The following CAPRIN2 variants were observed in gnomAD, a reference collection of about 807,000 sequenced individuals.
CAPRIN2 encodes the protein caprin-2.
Under a neutral mutation model 130.4 loss-of-function variants are expected in CAPRIN2, and 66 were observed. The ratio of observed to expected loss-of-function variants is 0.51; its 90% CI spans 0.42 to 0.62. The LOEUF is 0.62. Among genes scored for constraint, CAPRIN2 ranks in the 20% least tolerant of loss-of-function variants. The pLI, the probability that CAPRIN2 is intolerant of heterozygous loss-of-function variation, is 0.00. For missense variants in CAPRIN2, 1,185 were observed against 1,246.6 expected, an observed-to-expected ratio of 0.95 and a Z score of 0.74; for synonymous variants, 471 against 444.1, an observed-to-expected ratio of 1.06 and a Z score of -0.76.
chr12:30,724,114 T>C (rs953451368), intron 10 of CAPRIN2, among the ~76,000 whole-genome samples: 2 of 152,208 alleles, frequency 1.3e-5, no homozygotes, highest in Admixed American at 6.5e-5. Context: ...ACAACATAAA[T>C]TACAAAAACA....
chr12:30,728,729 T>G, exon 8 of CAPRIN2: 1 of 1,614,166 alleles, frequency 6.2e-7, no homozygotes, highest in Non-Finnish European at 8.5e-7. Flanking sequence ...CCCAGGACTT[T>G]GGAGAAATCT....
intron 13 of CAPRIN2, 53 bp downstream of exon 15, chr12:30,716,455 A>G (rs1406550723): frequency 2.0e-6 from 3 of 1,516,744 alleles, no homozygotes; most frequent in African/African-American, 2.8e-5. Context: ...CTTGCTGTCC[A>G]TTCAATTGGC....
At chr12:30,733,100 A>G (rs1396172601) in intron 5 of CAPRIN2, among the ~76,000 whole-genome samples, 2 of 152,136 alleles carry the variant, frequency 1.3e-5, no homozygotes, top group African/African-American at 4.8e-5. Context: ...CTAAGCTAGT[A>G]CACAAAGCTA....
At chr12:30,735,102 C>T (rs1416604413) in exon 4 of CAPRIN2, 1 of 1,614,120 alleles carries the variant, frequency 6.2e-7, no homozygotes, top group Non-Finnish European at 8.5e-7. Context: ...GTGTCAAGTT[C>T]TGCAATACAT....
At chr12:30,728,967 T>C (rs577957931) in exon 8 of CAPRIN2, 2 of 1,614,212 alleles carry the variant, frequency 1.2e-6, no homozygotes, top group East Asian at 2.2e-5. Context: ...CTGTTTCTTT[T>C]GTTCCTCTTG....
chr12:30,733,740 A>G (rs1193179917), intron 4 of CAPRIN2, 29 bp from the exon 6 acceptor site: 1 of 1,529,134 alleles, frequency 6.5e-7, no homozygotes, highest in East Asian at 2.3e-5. Context: ...AGCAGAACAA[A>G]GTGGCTTTAG....
At chr12:30,719,724 A>G (rs544089844) in intron 12 of CAPRIN2, 27 of 152,358 alleles carry the variant, frequency 1.8e-4, no homozygotes, top group African/African-American at 6.3e-4. Context: ...CAAGTTCTTG[A>G]CATAACAGAT....
chr12:30,735,242 C>A, intron 3 of CAPRIN2, 36 bp from the exon 5 acceptor site: 1 of 1,479,642 alleles, frequency 6.8e-7, no homozygotes, highest in South Asian at 1.1e-5. Flanking sequence ...GGTAACAATT[C>A]TCTACCATCC....
exon 12 of CAPRIN2, chr12:30,720,865 G>C: frequency 1.2e-6 from 2 of 1,613,732 alleles, no homozygotes; most frequent in Non-Finnish European, 1.7e-6. Context: ...AAGCCTGATC[G>C]GTAGTAACCA....
At chr12:30,720,638 A>G in intron 12 of CAPRIN2, 173 bp downstream of exon 13, 2 of 528,668 alleles carry the variant, frequency 3.8e-6, no homozygotes, top group South Asian at 5.3e-5. Context: ...TATATGGCAA[A>G]GCTACAATAA....
exon 1 of CAPRIN2, chr12:30,754,487 G>C (rs1487788171): frequency 6.6e-6 from 1 of 152,606 alleles, no homozygotes; most frequent in Non-Finnish European, 1.5e-5. Context: ...TCTCCCGAGC[G>C]GCCACGGAGA....
chr12:30,716,201 C>T, intron 13 of CAPRIN2: 1 of 261,798 alleles, frequency 3.8e-6, no homozygotes, highest in Non-Finnish European at 7.2e-6. Flanking sequence ...ATATAAGCAG[C>T]CAGATAGTGC....
intron 3 of CAPRIN2, among the ~76,000 whole-genome samples, chr12:30,736,359 T>C (rs33132): frequency 0.31 from 46,195 of 150,480 alleles, 8,973 homozygotes; most frequent in East Asian, 0.53. Context: ...AACGTTTCCA[T>C]CATATTGGAT....
In CAPRIN2 at chr12:30,726,083, AG is replaced by A; in HGVS notation, c.1787del (p.Pro596LeufsTer8). ...AACCTACAGGCTGATGCACAGGCTT[AG>A]GCACCTACAAGATAAACCCATAATG... On this transcript the variant is annotated frameshift_variant, in exon 9 of 17. Coordinates refer to ENST00000298892, the Ensembl canonical transcript of CAPRIN2. LOFTEE classifies it high-confidence loss of function. 1 of 1,538,852 alleles carries A rather than the reference AG, an allele frequency of 6.5e-7. No homozygotes were observed.
At chr12:30,742,043 A>C (rs774556200) in intron 2 of CAPRIN2, among the ~76,000 whole-genome samples, 6 of 152,204 alleles carry the variant, frequency 3.9e-5, no homozygotes, top group Admixed American at 6.5e-5. Context: ...CCAGATGCAG[A>C]AGACTATTTT....
chr12:30,716,602 G>A (rs2136658670), exon 13 of CAPRIN2: 2 of 1,613,976 alleles, frequency 1.2e-6, no homozygotes, highest in South Asian at 2.2e-5. Flanking sequence ...AACTTTGATT[G>A]TAGCCAGGTG....
exon 13 of CAPRIN2, chr12:30,716,652 G>A: frequency 6.2e-7 from 1 of 1,613,868 alleles, no homozygotes; most frequent in Non-Finnish European, 8.5e-7. Flanking sequence ...TTTCGTGGAG[G>A]CAGAGGTGCA....
rs138073245 is a variant in CAPRIN2 at position 30,751,533 on chromosome 12, G to A, written c.421-400C>T. On this transcript the variant is annotated intron_variant, in intron 1 of 16. Coordinates refer to ENST00000298892, the Ensembl canonical transcript of CAPRIN2. ...TTTTTGGTTATCACAACTTGGGAGG[G>A]GGAAGGGAGGTGAAGAGTGCTACCG... The A allele has an allele frequency of 1.4e-3, 320 of 221,476 alleles. 2 individuals are homozygous for A. The highest frequency in any genetic ancestry group is 6.8e-3 in the African/African-American group (300 of 44,056). The allele number at this position is 221,476 out of a possible 1,614,324, so 13.7% of individuals were successfully genotyped here. A position where few individuals can be genotyped will look rare whatever the true frequency, so the allele number is the denominator to read the frequency against.
rs1021499771 is a variant in CAPRIN2, at chr12:30,751,272, G to T, written c.421-139C>A. The T allele has an allele frequency of 8.9e-6, 6 of 677,814 alleles. No homozygotes were observed. In the East Asian group the frequency reaches 1.6e-4, roughly 18 times the overall value. The allele number at this position is 677,814 out of a possible 1,614,324, so 42.0% of individuals were successfully genotyped here. On this transcript the variant is annotated intron_variant, in intron 1 of 16. Coordinates refer to ENST00000298892, the Ensembl canonical transcript of CAPRIN2. Reference sequence around the variant, plus strand: ...TGCAAGACTATCATTTTACTATACGGCATGCAGCAACTGTAGATGAGTTCC... The same window carrying T: ...TGCAAGACTATCATTTTACTATACGTCATGCAGCAACTGTAGATGAGTTCC...
Sources: gnomAD v4.1 joint callset for allele counts (sites outside exome capture counted in the v4.1 genomes callset) on GRCh38, gnomAD v4.1.1 for gene constraint, MANE v1.5 for transcripts, NCBI Gene and HGNC (gene_info 2026-07-23, HGNC 2026-07-21) for gene names.